CALN1: variants seen among roughly 807,000 people sequenced by gnomAD.
CALN1 encodes the protein calcium-binding protein 8.
CALN1 carries 17 observed loss-of-function variants against 30.6 expected under a neutral mutation model. The ratio of observed to expected loss-of-function variants is 0.56; its 90% CI spans 0.38 to 0.83. The LOEUF (loss-of-function observed/expected upper bound fraction) is 0.83, where lower values mean the gene tolerates loss of function less well. CALN1 is among the 40% of genes least tolerant of loss of function. CALN1 has a pLI of 0.00. For missense variants in CALN1, 291 were observed against 354.9 expected, an observed-to-expected ratio of 0.82 and a Z score of 1.45; for synonymous variants, 156 against 131.4, an observed-to-expected ratio of 1.19 and a Z score of -1.28.
chr7:71,938,097 T>A (rs1795940155), intron 5 of CALN1, among the ~76,000 whole-genome samples: 1 of 152,074 alleles, frequency 6.6e-6, no homozygotes, highest in African/African-American at 2.4e-5. Context: ...CCCAAGAGTA[T>A]CAGAGAGATT....
At chr7:72,053,914 T>G (rs917891673) in intron 4 of CALN1, among the ~76,000 whole-genome samples, 3 of 152,084 alleles carry the variant, frequency 2.0e-5, no homozygotes, top group African/African-American at 7.2e-5. Context: ...CTGAGTTACT[T>G]CACTTAGAAT....
intron 3 of CALN1, among the ~76,000 whole-genome samples, chr7:72,264,732 G>A (rs1317289130): frequency 1.3e-5 from 2 of 152,098 alleles, no homozygotes; most frequent in Non-Finnish European, 2.9e-5. Flanking sequence ...TGTTCCATAG[G>A]TAAACTTGTG....
Position 72,403,339 on chromosome 7 carries a change from T to TCC in CALN1, c.29_30dup (p.Lys11GlyfsTer39). ...TCCCCCTTTTTCTCATTCTCGGGCTTCCCCTCTCCGGGTTGCTCTGGCAGC... is the reference window on the plus strand; with the variant it reads ...TCCCCCTTTTTCTCATTCTCGGGCTTCCCCCCTCTCCGGGTTGCTCTGGCAGC... On this transcript the variant is annotated frameshift_variant, in exon 2 of 7. Coordinates refer to ENST00000395275, the MANE Select transcript of CALN1 (RefSeq NM_031468.4). LOFTEE classifies it high-confidence loss of function. The TCC allele has an allele frequency of 6.5e-7, 1 of 1,549,102 alleles. No individual in the cohort carries two copies. The highest frequency in any genetic ancestry group is 8.7e-7 in the Non-Finnish European group (1 of 1,146,944).
intron 1 of CALN1, among the ~76,000 whole-genome samples, chr7:72,405,981 T>C (rs965102882): frequency 1.3e-5 from 2 of 152,142 alleles, no homozygotes; most frequent in African/African-American, 4.8e-5. Context: ...CTTAATGACC[T>C]GGAACCTGCC....
intron 5 of CALN1, among the ~76,000 whole-genome samples, chr7:71,812,341 G>C (rs566618796): frequency 6.6e-6 from 1 of 152,272 alleles, no homozygotes; most frequent in African/African-American, 2.4e-5. Context: ...AATTCTAAAA[G>C]ACAATGTACT....
At chr7:72,044,736 T>C (rs949263485) in intron 4 of CALN1, among the ~76,000 whole-genome samples, 1 of 151,274 alleles carries the variant, frequency 6.6e-6, no homozygotes, top group Admixed American at 6.6e-5. Context: ...TTCAGGTTCC[T>C]GAGTAGCCAG....
At chr7:72,228,557 G>C (rs1464705845) in intron 3 of CALN1, among the ~76,000 whole-genome samples, 1 of 151,588 alleles carries the variant, frequency 6.6e-6, no homozygotes, top group Non-Finnish European at 1.5e-5. Flanking sequence ...GCATTCATTG[G>C]TGCATGGCTG....
chr7:72,197,972 A>T (rs893637958), intron 3 of CALN1, among the ~76,000 whole-genome samples: 9 of 152,302 alleles, frequency 5.9e-5, no homozygotes, highest in Admixed American at 2.6e-4. Context: ...TCTAATCTAG[A>T]ATCAGGTTTT....
intron 5 of CALN1, among the ~76,000 whole-genome samples, chr7:71,841,503 G>T (rs1789935810): frequency 6.6e-6 from 1 of 151,670 alleles, no homozygotes; most frequent in South Asian, 2.1e-4. Context: ...ATTTTTACTG[G>T]ATATCTACAC....
intron 4 of CALN1, among the ~76,000 whole-genome samples, chr7:72,064,691 C>T (rs1292191603): frequency 6.6e-6 from 1 of 152,162 alleles, no homozygotes; most frequent in Non-Finnish European, 1.5e-5. Context: ...AGACTCCTAG[C>T]CTTCCAGATT....
chr7:71,807,181 T>C (rs937478139), intron 6 of CALN1, among the ~76,000 whole-genome samples: 6 of 152,200 alleles, frequency 3.9e-5, no homozygotes, highest in Middle Eastern at 3.4e-3. Context: ...CAGGTCTTGA[T>C]AGAAGAAGGG....
At chr7:71,797,542 G>A (rs1787003198) in intron 6 of CALN1, among the ~76,000 whole-genome samples, 1 of 152,150 alleles carries the variant, frequency 6.6e-6, no homozygotes, top group South Asian at 2.1e-4. Context: ...GAGTGAGACT[G>A]GTATGTTTCA....
chr7:71,873,447 A>G (rs1792064233), intron 5 of CALN1, among the ~76,000 whole-genome samples: 1 of 152,232 alleles, frequency 6.6e-6, no homozygotes, highest in South Asian at 2.1e-4. Flanking sequence ...GACCACGAAA[A>G]TAAAAGGTTT....
chr7:71,816,122 G>A (rs1427997891), intron 5 of CALN1, among the ~76,000 whole-genome samples: 1 of 151,062 alleles, frequency 6.6e-6, no homozygotes, highest in Non-Finnish European at 1.5e-5. Context: ...CTCCTGCCTT[G>A]CTTGCTTGTT....
intron 3 of CALN1, among the ~76,000 whole-genome samples, chr7:72,229,457 A>G (rs1793927072): frequency 6.6e-6 from 1 of 152,110 alleles, no homozygotes; most frequent in South Asian, 2.1e-4. Flanking sequence ...ATTATAAATC[A>G]TTCTACTATA....
chr7:72,394,419 T>A (rs1293479433), intron 2 of CALN1, among the ~76,000 whole-genome samples: 2 of 152,206 alleles, frequency 1.3e-5, no homozygotes, highest in African/African-American at 4.8e-5. Flanking sequence ...ATGTTGCTCA[T>A]ACACAGATGC....
intron 2 of CALN1, among the ~76,000 whole-genome samples, chr7:72,369,320 TAA>T (rs764128858): frequency 0.035 from 5,183 of 147,392 alleles, 144 homozygotes; most frequent in Non-Finnish European, 0.054. Flanking sequence ...TAAATATTTA[TAA>T]TATATATAAT....
chr7:72,142,837 C>G (rs1343172673), intron 3 of CALN1, among the ~76,000 whole-genome samples: 2 of 152,152 alleles, frequency 1.3e-5, no homozygotes, highest in African/African-American at 2.4e-5. Context: ...TGTTCTGCAG[C>G]CTCCGCTACT....
At chr7:72,445,093 C>G (rs955882123) in intron 1 of CALN1, among the ~76,000 whole-genome samples, 18 of 130,984 alleles carry the variant, frequency 1.4e-4, no homozygotes, top group African/African-American at 5.0e-4. Context: ...CACACACACA[C>G]ACACACACAC....
Sources: allele counts gnomAD v4.1 joint callset (sites outside exome capture counted in the v4.1 genomes callset), GRCh38; gene constraint gnomAD v4.1.1; transcripts MANE v1.5; gene names NCBI Gene and HGNC (gene_info 2026-07-23, HGNC 2026-07-21).